TLN2: variants seen among roughly 807,000 people sequenced by gnomAD.
TLN2 encodes talin-2.
In TLN2, 118 loss-of-function variants were observed where a neutral mutation model predicts 294.7. That is an observed-to-expected ratio of 0.40 (90% CI 0.34 to 0.47). The LOEUF is 0.47. Ranked by LOEUF, TLN2 falls within the 20% of genes least tolerant of loss-of-function variation. The probability of loss-of-function intolerance (pLI) is 0.84; values close to 1 mark genes in which losing one functional copy is unlikely to be tolerated. For missense variants in TLN2, 3,083 were observed against 3,282.2 expected (o/e 0.94, Z 1.48); for synonymous variants, 1,431 against 1,304.5 (o/e 1.10, Z -2.09).
intron 1 of TLN2, among the ~76,000 whole-genome samples, chr15:62,551,166 G>A (rs951653842): frequency 5.3e-5 from 8 of 152,064 alleles, no homozygotes; most frequent in South Asian, 2.1e-4. Flanking sequence ...GATAGGAGGC[G>A]GATCTCAGGT....
intron 1 of TLN2, among the ~76,000 whole-genome samples, chr15:62,573,780 T>TC (rs1051429889): frequency 2.6e-5 from 4 of 151,380 alleles, no homozygotes; most frequent in Admixed American, 6.6e-5. Context: ...TTTTTCTTTT[T>TC]TTTTTTTTTA....
chr15:62,574,774 G>C (rs2044246157), intron 1 of TLN2, among the ~76,000 whole-genome samples: 1 of 151,874 alleles, frequency 6.6e-6, no homozygotes, highest in African/African-American at 2.4e-5. Flanking sequence ...TCACAGTGTG[G>C]TTTATAATTC....
intron 53 of TLN2, among the ~76,000 whole-genome samples, chr15:62,820,070 A>T (rs1361218325): frequency 1.3e-5 from 2 of 152,140 alleles, no homozygotes; most frequent in Non-Finnish European, 2.9e-5. Flanking sequence ...CTTTACTTTG[A>T]ATTAAGGTGA....
intron 1 of TLN2, among the ~76,000 whole-genome samples, chr15:62,455,097 T>A (rs1428112959): frequency 6.9e-6 from 1 of 144,520 alleles, no homozygotes; most frequent in Non-Finnish European, 1.6e-5. Flanking sequence ...AATAAATAAC[T>A]ATTTTTAAAG....
intron 45 of TLN2, among the ~76,000 whole-genome samples, chr15:62,785,237 AT>A (rs950490720): frequency 1.7e-4 from 25 of 150,626 alleles, no homozygotes; most frequent in Middle Eastern, 7.0e-3. Flanking sequence ...CAGGCCTATC[AT>A]TTTTTTTTTA....
At chr15:62,690,078 C>T (rs1377374019) in intron 12 of TLN2, among the ~76,000 whole-genome samples, 5 of 98,664 alleles carry the variant, frequency 5.1e-5, no homozygotes, top group South Asian at 7.8e-4. Flanking sequence ...CCGGACGGGG[C>T]GGCCGGCCGG....
rs752971171 is a variant in TLN2, at chr15:62,751,344, CTGTT to C, written c.4209+856_4209+859del. 2.0e-5 allele frequency among the ~76,000 whole-genome samples: 3 copies of C among 152,312 alleles called. No individual in the cohort carries two copies. In the East Asian group the frequency reaches 5.8e-4, roughly 29 times the overall value. On this transcript the variant is annotated intron_variant, in intron 34 of 58. Transcript: ENST00000636159. The stretch of plus-strand genomic sequence containing the variant: ...CTGTGCTGGTAATGTCAAAAGGACT[CTGTT>C]TGATTTGGGCTAAAACTAGAATTTC...
At chr15:62,494,247 G>A (rs2038901952) in intron 1 of TLN2, among the ~76,000 whole-genome samples, 2 of 152,122 alleles carry the variant, frequency 1.3e-5, no homozygotes, top group Admixed American at 1.3e-4. Flanking sequence ...CCTAGGCTGA[G>A]GGCAGTGGAC....
At chr15:62,540,817 T>C (rs1204701707) in intron 1 of TLN2, among the ~76,000 whole-genome samples, 1 of 152,298 alleles carries the variant, frequency 6.6e-6, no homozygotes, top group East Asian at 1.9e-4. Context: ...ATTAATATAC[T>C]CATGGGGAAG....
rs138015462 is a variant in TLN2 at position 62,492,835 on chromosome 15, A to G, written c.-237-96852A>G. On this transcript the variant is annotated intron_variant, in intron 1 of 58. Transcript: ENST00000636159. ...ACCATAACAGATTCCACAGAATTCCATAGCAGAAAAATCTTGGTAAATCCT... is the reference window on the plus strand; with the variant it reads ...ACCATAACAGATTCCACAGAATTCCGTAGCAGAAAAATCTTGGTAAATCCT... Among the ~76,000 whole-genome samples, 650 of 152,348 alleles carry G rather than the reference A, an allele frequency of 4.3e-3. 7 individuals are homozygous for G. Among genetic ancestry groups the G allele is most frequent in the African/African-American group, 0.015 (609 of 41,584 alleles).
At chr15:62,782,352 CAG>C in intron 44 of TLN2, among the ~76,000 whole-genome samples, 1 of 152,356 alleles carries the variant, frequency 6.6e-6, no homozygotes, top group Non-Finnish European at 1.5e-5. Flanking sequence ...TTGTCCTTCT[CAG>C]GGGAGCATGG....
chr15:62,574,988 T>A (rs1373872772), intron 1 of TLN2, among the ~76,000 whole-genome samples: 1 of 152,168 alleles, frequency 6.6e-6, no homozygotes, highest in Non-Finnish European at 1.5e-5. Context: ...TTGACTTAGA[T>A]GAGTGCTTCT....
Position 62,766,320 on chromosome 15 carries a change from G to C in TLN2, c.5095-1G>C, listed in dbSNP as rs775310674. 6.2e-7 allele frequency: 1 copy of C among 1,610,806 alleles called. No individual in the cohort carries two copies. The highest frequency in any genetic ancestry group is 8.5e-7 in the Non-Finnish European group (1 of 1,177,318). On this transcript the variant is annotated splice_acceptor_variant, in intron 40 of 58. Transcript: ENST00000636159. LOFTEE classifies it high-confidence loss of function. The stretch of plus-strand genomic sequence containing the variant: ...GAACTTGACACTTCTCTCCTTATCA[G>C]GCCCTGCAGGAGCAGCTGACTTCGG...
intron 19 of TLN2, among the ~76,000 whole-genome samples, chr15:62,706,754 A>G (rs953307255): frequency 2.6e-5 from 4 of 152,214 alleles, no homozygotes; most frequent in African/African-American, 9.6e-5. Context: ...GATCTACCAT[A>G]TCAGCCACTC....
intron 1 of TLN2, among the ~76,000 whole-genome samples, chr15:62,402,910 C>T (rs1411655827): frequency 3.9e-5 from 6 of 152,106 alleles, no homozygotes; most frequent in Admixed American, 3.9e-4. Flanking sequence ...ATGGATAGTC[C>T]CCATCAGAAA....
At chr15:62,809,785 A>C (rs112480322) in intron 51 of TLN2, 140 bp from the exon 52 acceptor site, 2 of 717,446 alleles carry the variant, frequency 2.8e-6, no homozygotes, top group African/African-American at 3.5e-5. Flanking sequence ...GAGGACGTAG[A>C]GGAGAGATAC....
intron 51 of TLN2, among the ~76,000 whole-genome samples, chr15:62,808,878 A>G (rs941777172): frequency 4.6e-5 from 7 of 152,236 alleles, no homozygotes; most frequent in African/African-American, 1.4e-4. Flanking sequence ...CACTCTGTCC[A>G]GGGACTGGGG....
At chr15:62,750,585 G>A in intron 34 of TLN2, 94 bp downstream of exon 34, 2 of 1,087,722 alleles carry the variant, frequency 1.8e-6, no homozygotes, top group Non-Finnish European at 2.8e-6. Flanking sequence ...CCTGTGGCTG[G>A]TCTGCAGGGC....
At chr15:62,607,887 C>G (rs1400479174) in intron 2 of TLN2, among the ~76,000 whole-genome samples, 2 of 152,334 alleles carry the variant, frequency 1.3e-5, no homozygotes, top group East Asian at 3.9e-4. Flanking sequence ...TGTGGTGTAA[C>G]TGCTGCCTGC....
Sources: allele counts gnomAD v4.1 joint callset (sites outside exome capture counted in the v4.1 genomes callset), GRCh38; gene constraint gnomAD v4.1.1; transcripts MANE v1.5; gene names NCBI Gene and HGNC (gene_info 2026-07-23, HGNC 2026-07-21).